HIP1: variants seen among roughly 807,000 people sequenced by gnomAD.
HIP1 encodes the protein huntingtin interacting protein 1, also known as huntingtin-interacting protein 1.
A neutral mutation model predicts 147.6 loss-of-function variants in HIP1; 65 were observed. The observed-to-expected ratio is 0.44, with a 90% CI of 0.36 to 0.54. The LOEUF (loss-of-function observed/expected upper bound fraction) is 0.54. Ranked by LOEUF, HIP1 falls within the 20% of genes least tolerant of loss-of-function variation. HIP1 has a pLI of 0.00. For synonymous variants in HIP1, 479 were observed against 504.0 expected, an observed-to-expected ratio of 0.95 and a Z score of 0.67; for missense variants, 1,061 against 1,299.6, an observed-to-expected ratio of 0.82 and a Z score of 2.82.
chr7:75,727,730 C>A (rs1801697969), intron 1 of HIP1, among the ~76,000 whole-genome samples: 1 of 151,586 alleles, frequency 6.6e-6, no homozygotes, highest in Admixed American at 6.6e-5. Flanking sequence ...CCTGTAGTCC[C>A]AGCTATTCAG....
intron 1 of HIP1, among the ~76,000 whole-genome samples, chr7:75,634,192 C>T (rs112868743): frequency 1.3e-5 from 2 of 151,804 alleles, no homozygotes; most frequent in East Asian, 1.9e-4. Context: ...CCTAGGAGTT[C>T]GAGGCTGCAG....
intron 5 of HIP1, among the ~76,000 whole-genome samples, chr7:75,584,380 C>T (rs1775864315): frequency 2.0e-5 from 3 of 152,180 alleles, no homozygotes. Flanking sequence ...GCCCAGCCTC[C>T]TTCCCCACTC....
chr7:75,630,915 T>C (rs1798189313), intron 1 of HIP1, among the ~76,000 whole-genome samples: 1 of 152,200 alleles, frequency 6.6e-6, no homozygotes, highest in Non-Finnish European at 1.5e-5. Context: ...ATAGCCATGG[T>C]TTACTAAGCC....
At chr7:75,732,397 G>A (rs1393913839) in intron 1 of HIP1, among the ~76,000 whole-genome samples, 3 of 151,960 alleles carry the variant, frequency 2.0e-5, no homozygotes, top group African/African-American at 4.8e-5. Context: ...CTTTTACAGG[G>A]TCTGGCTCTG....
At position 75,658,504 on chromosome 7, in the gene HIP1, G is replaced by A. The variant is rs149165686; in HGVS notation, c.121-59257C>T. ...CCAGAATTGAGAAAAGGATTGGAAT[G>A]TCCTCCCAGCAGCTGAATTTTGCGG... On this transcript the variant is annotated intron_variant, in intron 1 of 30. Coordinates refer to ENST00000336926, the MANE Select transcript of HIP1 (RefSeq NM_005338.7). Among the ~76,000 whole-genome samples the A allele has an allele frequency of 5.1e-3, 777 of 152,282 alleles. 9 individuals are homozygous for A. Among genetic ancestry groups the A allele is most frequent in the African/African-American group, 0.017 (726 of 41,566 alleles).
intron 1 of HIP1, among the ~76,000 whole-genome samples, chr7:75,676,902 C>T (rs757423798): frequency 4.6e-5 from 7 of 151,930 alleles, no homozygotes; most frequent in East Asian, 2.0e-4. Context: ...TGTTAAAATA[C>T]GCAACAAATG....
intron 15 of HIP1, 75 bp from the exon 16 acceptor site, chr7:75,557,845 C>A: frequency 8.8e-7 from 1 of 1,134,192 alleles, no homozygotes; most frequent in South Asian, 1.2e-5. Flanking sequence ...GACAATCATA[C>A]TCAGGCTGTG....
rs1198079799 is a variant in HIP1, at chr7:75,712,192, T to A, written c.120+26609A>T. Among the ~76,000 whole-genome samples, 3 of 152,072 alleles carry A rather than the reference T, an allele frequency of 2.0e-5. No homozygotes were observed. The East Asian group carries it at 5.8e-4, about 29-fold the overall frequency. The stretch of plus-strand genomic sequence containing the variant: ...CTCTTCTTTACGGGGGGAAAAAAAG[T>A]TATTTTCTTCCCTTTCTTCTCTGTT... On this transcript the variant is annotated intron_variant, in intron 1 of 30. Coordinates refer to ENST00000336926, the MANE Select transcript of HIP1 (RefSeq NM_005338.7).
chr7:75,589,625 G>C (rs1796413123), intron 4 of HIP1, among the ~76,000 whole-genome samples: 1 of 127,180 alleles, frequency 7.9e-6, no homozygotes, highest in Non-Finnish European at 1.6e-5. Flanking sequence ...GAAGGGTGCA[G>C]TGAGCTGAGA....
intron 1 of HIP1, among the ~76,000 whole-genome samples, chr7:75,677,095 T>C (rs544108667): frequency 6.6e-6 from 1 of 151,118 alleles, no homozygotes; most frequent in African/African-American, 2.4e-5. Context: ...TTTGGGAGGC[T>C]GAGGCAGGAG....
Position 75,559,740 on chromosome 7 carries a change from T to A in HIP1, c.1367A>T (p.Glu456Val). 6.1e-6 allele frequency: 4 copies of A among 657,950 alleles called. No individual in the cohort carries two copies. The highest frequency in any genetic ancestry group is 9.5e-6 in the Non-Finnish European group (4 of 420,814). The allele number at this position is 657,950 out of a possible 1,614,324, so 40.8% of individuals were successfully genotyped here. ...CCCCACCCACCGCTCACTTTCTATC[T>A]CAGACAGGCTCCGCTGAGCCTTCTC... ...DTEKAQRSLS[E>V]IERKAQANEQ... Residue 456 changes from glutamate (E) to valine (V), a missense_variant, in exon 14 of 31, where the codon GAG (glutamate) becomes GTG (valine). Physicochemically the swap from Glu to Val is moderately radical, Grantham distance 121. This residue lies in a region of HIP1 where 810 missense variants were observed against 946.8 expected (regional missense o/e 0.86). Transcript: ENST00000336926.
At chr7:75,599,797 G>A (rs1563233926) in intron 1 of HIP1, among the ~76,000 whole-genome samples, 1 of 151,728 alleles carries the variant, frequency 6.6e-6, no homozygotes, top group African/African-American at 2.4e-5. Flanking sequence ...GACATCAAGG[G>A]ACATTAAACA....
At chr7:75,632,952 G>A (rs1460998919) in intron 1 of HIP1, among the ~76,000 whole-genome samples, 1 of 152,188 alleles carries the variant, frequency 6.6e-6, no homozygotes, top group Non-Finnish European at 1.5e-5. Flanking sequence ...TAGGACCTGA[G>A]TGATGAGAAC....
rs191967896 is a variant in HIP1, at chr7:75,641,286, G to A, written c.121-42039C>T. Among the ~76,000 whole-genome samples the A allele has an allele frequency of 1.2e-4, 19 of 152,026 alleles. No homozygotes were observed. In the East Asian group the frequency reaches 2.7e-3, roughly 22 times the overall value. On this transcript the variant is annotated intron_variant, in intron 1 of 30. Transcript: ENST00000336926. ...ACACCACTGCACTCCAGCCTGGGTG[G>A]CAGAGTGAGACTAGGGTCTTGCTAT...
At chr7:75,719,518 A>T (rs1459223170) in intron 1 of HIP1, among the ~76,000 whole-genome samples, 1 of 151,642 alleles carries the variant, frequency 6.6e-6, no homozygotes, top group East Asian at 1.9e-4. Flanking sequence ...AAAAAAAAAA[A>T]GAAGACTAAT....
intron 1 of HIP1, among the ~76,000 whole-genome samples, chr7:75,616,584 GGGAGGA>G (rs782489721): frequency 0.017 from 2,459 of 146,058 alleles, 61 homozygotes; most frequent in African/African-American, 0.055. Flanking sequence ...TTTAAGGGTG[GGGAGGA>G]GGAGGAGGAG....
chr7:75,548,899 T>G lies in HIP1; in HGVS notation c.2398A>C (p.Arg800=). ...TSAAIETATA[R]IEEMLSKSRA... ...CTGCAGGAACCTCCTACCTCTATTCTGGCCGTGGCAGTTTCAATAGCAGCT... is the reference window on the plus strand; with the variant it reads ...CTGCAGGAACCTCCTACCTCTATTCGGGCCGTGGCAGTTTCAATAGCAGCT... The change falls in exon 23 of 31, where the codon AGA becomes CGA. Residue 800 remains arginine, a synonymous_variant. Coordinates refer to ENST00000336926, the MANE Select transcript of HIP1 (RefSeq NM_005338.7). 15 of 1,612,324 alleles carry G rather than the reference T, an allele frequency of 9.3e-6. No individual in the cohort carries two copies. Among genetic ancestry groups the G allele is most frequent in the Non-Finnish European group, 1.3e-5 (15 of 1,178,300 alleles).
intron 4 of HIP1, among the ~76,000 whole-genome samples, chr7:75,587,603 A>G (rs1047202296): frequency 2.0e-5 from 3 of 152,220 alleles, no homozygotes; most frequent in Non-Finnish European, 2.9e-5. Flanking sequence ...CATTCCTTAT[A>G]GCACAATCTT....
At chr7:75,597,845 C>T (rs1796805481) in intron 2 of HIP1, among the ~76,000 whole-genome samples, 1 of 151,970 alleles carries the variant, frequency 6.6e-6, no homozygotes, top group Admixed American at 6.6e-5. Flanking sequence ...GGCAGACTCT[C>T]TCCTTCAGCC....
Sources: gnomAD v4.1 joint callset for allele counts (sites outside exome capture counted in the v4.1 genomes callset) on GRCh38, gnomAD v4.1.1 for gene constraint, gnomAD v4.1.1 regional missense constraint, MANE v1.5 for transcripts, NCBI Gene and HGNC (gene_info 2026-07-23, HGNC 2026-07-21) for gene names.